Variants in PPP1R12A observed in about 807,000 individuals in gnomAD.
PPP1R12A encodes myosin binding subunit.
PPP1R12A carries 19 observed loss-of-function variants against 139.6 expected under a neutral mutation model. That is an observed-to-expected ratio of 0.14 (90% confidence interval 0.09 to 0.20). The LOEUF is 0.20. PPP1R12A is among the 10% of genes least tolerant of loss of function. The pLI is 1.00. For missense variants in PPP1R12A, 925 were observed against 1,211.5 expected (o/e 0.76, Z 3.51); for synonymous variants, 427 against 420.6 (o/e 1.02, Z -0.19).
intron 1 of PPP1R12A, among the ~76,000 whole-genome samples, chr12:79,882,938 A>G (rs1344869597): frequency 6.6e-6 from 1 of 152,122 alleles, no homozygotes; most frequent in East Asian, 1.9e-4. Flanking sequence ...GGAGTATGGG[A>G]CCAGCCTGAC....
chr12:79,775,868 C>A lies in PPP1R12A; in HGVS notation c.*61G>T. 2 of 1,184,028 alleles carry A rather than the reference C, an allele frequency of 1.7e-6. No individual in the cohort carries two copies. The highest frequency in any genetic ancestry group is 2.3e-6 in the Non-Finnish European group (2 of 855,722). The allele number at this position is 1,184,028 out of a possible 1,614,324, so 73.3% of individuals were successfully genotyped here. On this transcript the variant is annotated 3_prime_UTR_variant, in exon 25 of 25. Coordinates refer to ENST00000450142, the MANE Select transcript of PPP1R12A (RefSeq NM_002480.3). ...TTCTTCCCAGACTTCCAGTGACTGC[C>A]AATTATGGTCCACTGGGTTACTAAT...
At position 79,797,507 on chromosome 12, in the gene PPP1R12A, G is replaced by C. The variant is rs1395656149; in HGVS notation, c.2092-112C>G. ...AATGCATTAAAAGTCAAATATGCAT[G>C]TTTAAAATTGGTTTGCAAATGGAAA... On this transcript the variant is annotated intron_variant, in intron 15 of 24. Coordinates refer to ENST00000450142, the MANE Select transcript of PPP1R12A (RefSeq NM_002480.3). The C allele has an allele frequency of 3.1e-5, 33 of 1,050,562 alleles. No individual in the cohort carries two copies. The Admixed American group carries it at 9.7e-4, about 31-fold the overall frequency. 65.1% of individuals were successfully genotyped at this position (1,050,562 alleles called of 1,614,324 possible).
intron 21 of PPP1R12A, chr12:79,788,186 T>C (rs1429977404): frequency 6.5e-6 from 1 of 152,746 alleles, no homozygotes; most frequent in African/African-American, 2.4e-5. Flanking sequence ...ACAGACTTTA[T>C]GTTTACTATA....
intron 14 of PPP1R12A, among the ~76,000 whole-genome samples, chr12:79,802,337 A>T (rs900017823): frequency 6.6e-6 from 1 of 152,198 alleles, no homozygotes; most frequent in African/African-American, 2.4e-5. Flanking sequence ...ATCAGCCTGG[A>T]AAATGTCCAA....
At chr12:79,893,060 G>A (rs185419041) in intron 1 of PPP1R12A, among the ~76,000 whole-genome samples, 163 of 149,716 alleles carry the variant, frequency 1.1e-3, no homozygotes, top group African/African-American at 3.8e-3. Context: ...CCAAGATTGC[G>A]CCACTGTACT....
intron 3 of PPP1R12A, among the ~76,000 whole-genome samples, chr12:79,832,759 T>TAAA (rs540434134): frequency 9.2e-5 from 14 of 152,150 alleles, no homozygotes; most frequent in African/African-American, 3.4e-4. Context: ...TCTTGTTTTT[T>TAAA]AAAAATTTGA....
At chr12:79,923,149 C>T (rs1252949180) in intron 1 of PPP1R12A, among the ~76,000 whole-genome samples, 1 of 152,176 alleles carries the variant, frequency 6.6e-6, no homozygotes, top group African/African-American at 2.4e-5. Flanking sequence ...TGGCGGGTGC[C>T]TGTAATCCCA....
At position 79,888,889 on chromosome 12, in the gene PPP1R12A, A is replaced by G. The variant is rs1184028769; in HGVS notation, c.238-15951T>C. Among the ~76,000 whole-genome samples, 16 of 152,206 alleles carry G rather than the reference A, an allele frequency of 1.1e-4. 1 individual carries two copies. Among genetic ancestry groups the G allele is most frequent in the Non-Finnish European group, 2.4e-4 (16 of 68,024 alleles). ...GCAGCAAAAGGTAAAATAACACCCC[A>G]AAACAATTTGGTTCTATCTATCAAA... On this transcript the variant is annotated intron_variant, in intron 1 of 24. Coordinates refer to ENST00000450142, the MANE Select transcript of PPP1R12A (RefSeq NM_002480.3).
chr12:79,886,350 A>G (rs1046503420), intron 1 of PPP1R12A, among the ~76,000 whole-genome samples: 8 of 152,204 alleles, frequency 5.3e-5, no homozygotes, highest in African/African-American at 1.9e-4. Context: ...GTCTATATTT[A>G]GTTATGAAAA....
intron 3 of PPP1R12A, among the ~76,000 whole-genome samples, chr12:79,838,156 T>C (rs917800861): frequency 3.9e-5 from 6 of 152,212 alleles, no homozygotes; most frequent in Admixed American, 6.5e-5. Context: ...TGGTCTCAGA[T>C]GGAGATGAGA....
At position 79,786,640 on chromosome 12, in the gene PPP1R12A, G is replaced by A. The variant is rs114706659; in HGVS notation, c.2803-162C>T. 2.0e-3 allele frequency: 994 copies of A among 484,918 alleles called. 5 individuals carry two copies. Among genetic ancestry groups the A allele is most frequent in the African/African-American group, 0.018 (892 of 49,122 alleles). The allele number at this position is 484,918 out of a possible 1,614,324, so 30.0% of individuals were successfully genotyped here. A position where few individuals can be genotyped will look rare whatever the true frequency, so the allele number is the denominator to read the frequency against. On this transcript the variant is annotated intron_variant, in intron 21 of 24. Coordinates refer to ENST00000450142, the MANE Select transcript of PPP1R12A (RefSeq NM_002480.3). ...CATGGTTGCAAAGCAGAGACTGTTC[G>A]TTATGCAAGTGTGTTTGTCCCATAT...
chr12:79,835,025 T>C (rs1382756534), intron 3 of PPP1R12A, among the ~76,000 whole-genome samples: 1 of 152,190 alleles, frequency 6.6e-6, no homozygotes, highest in Non-Finnish European at 1.5e-5. Flanking sequence ...TGGGAGTCAG[T>C]GGCCTGGGAG....
chr12:79,789,120 TG>T (rs1346245781), intron 20 of PPP1R12A, among the ~76,000 whole-genome samples: 2 of 151,936 alleles, frequency 1.3e-5, no homozygotes, highest in Non-Finnish European at 2.9e-5. Context: ...TTGGTAGGGA[TG>T]GGGTTTCACC....
At chr12:79,826,393 C>T (rs538208963) in intron 5 of PPP1R12A, among the ~76,000 whole-genome samples, 11 of 134,236 alleles carry the variant, frequency 8.2e-5, no homozygotes, top group African/African-American at 3.2e-4. Flanking sequence ...CACTGCTGTG[C>T]AGTGCCACAA....
rs767092445 is a variant in PPP1R12A at position 79,934,872 on chromosome 12, G to C, written c.60C>G (p.Ser20=). The C allele has an allele frequency of 6.2e-7, 1 of 1,611,210 alleles. No individual in the cohort carries two copies. Among genetic ancestry groups the C allele is most frequent in the African/African-American group, 1.3e-5 (1 of 75,020 alleles). ...CCACCGGAGGCTCGAGGTCCGTCTC[G>C]GAGCCGATCCAGCGTTTCAGCTGCT... The part of the protein sequence containing the change: ...RNEQLKRWIG[S]ETDLEPPVVK... Residue 20 remains serine (S), a synonymous_variant, in exon 1 of 25, where the codon TCC becomes TCG. Coordinates refer to ENST00000450142, the MANE Select transcript of PPP1R12A (RefSeq NM_002480.3).
intron 2 of PPP1R12A, among the ~76,000 whole-genome samples, chr12:79,864,592 TAAAG>T (rs1353394501): frequency 2.0e-5 from 3 of 151,770 alleles, no homozygotes; most frequent in Non-Finnish European, 4.4e-5. Context: ...GCAAGACTAA[TAAAG>T]AGAGAAGAAT....
chr12:79,919,964 C>A, intron 1 of PPP1R12A, among the ~76,000 whole-genome samples: 1 of 152,176 alleles, frequency 6.6e-6, no homozygotes, highest in East Asian at 1.9e-4. Flanking sequence ...GTGCAACTGT[C>A]AGCACAATTT....
intron 1 of PPP1R12A, among the ~76,000 whole-genome samples, chr12:79,891,543 A>T (rs1884640806): frequency 6.6e-6 from 1 of 152,182 alleles, no homozygotes; most frequent in Non-Finnish European, 1.5e-5. Flanking sequence ...AAATACCACA[A>T]ATATTATATT....
chr12:79,883,295 C>T (rs148229719), intron 1 of PPP1R12A, among the ~76,000 whole-genome samples: 2 of 152,086 alleles, frequency 1.3e-5, no homozygotes, highest in Admixed American at 6.5e-5. Flanking sequence ...AGATATAATG[C>T]TACATTACAT....
Sources: allele counts gnomAD v4.1 joint callset (sites outside exome capture counted in the v4.1 genomes callset), GRCh38; gene constraint gnomAD v4.1.1; transcripts MANE v1.5; gene names NCBI Gene and HGNC (gene_info 2026-07-23, HGNC 2026-07-21).